The following BBS7 variants were observed in gnomAD, a reference collection of about 807,000 sequenced individuals.
The protein encoded by BBS7 is BBSome complex member BBS7.
A neutral mutation model predicts 90.3 loss-of-function variants in BBS7; 50 were observed. The ratio of observed to expected loss-of-function variants is 0.55; its 90% CI spans 0.44 to 0.70. The LOEUF (loss-of-function observed/expected upper bound fraction) is 0.70. Among genes scored for constraint, BBS7 ranks in the 30% least tolerant of loss-of-function variants. The pLI, the probability that BBS7 is intolerant of heterozygous loss-of-function variation, is 0.00. For missense variants in BBS7, 729 were observed against 838.9 expected, an observed-to-expected ratio of 0.87 and a Z score of 1.62; for synonymous variants, 235 against 287.4, an observed-to-expected ratio of 0.82 and a Z score of 1.85.
chr4:121,859,730 T>C (rs530890026), intron 4 of BBS7, among the ~76,000 whole-genome samples: 11 of 152,088 alleles, frequency 7.2e-5, no homozygotes, highest in Non-Finnish European at 1.6e-4. Context: ...AAAAGTCTAT[T>C]TTAAGTGATT....
At chr4:121,858,796 G>T in intron 5 of BBS7, 196 bp downstream of exon 5, 2 of 575,124 alleles carry the variant, frequency 3.5e-6, no homozygotes, top group Non-Finnish European at 5.9e-6. Context: ...TTCCAAATAT[G>T]CTTCTCTTAA....
chr4:121,827,183 A>C (rs1435859058), intron 18 of BBS7, among the ~76,000 whole-genome samples: 1 of 152,210 alleles, frequency 6.6e-6, no homozygotes, highest in African/African-American at 2.4e-5. Flanking sequence ...TATTATAAGG[A>C]TAAAAGAGAT....
At chr4:121,845,946 A>G (rs562447182) in intron 10 of BBS7, among the ~76,000 whole-genome samples, 5 of 152,212 alleles carry the variant, frequency 3.3e-5, no homozygotes, top group Non-Finnish European at 7.3e-5. Flanking sequence ...GAGAGTTTTA[A>G]ATATCATGGT....
intron 13 of BBS7, 101 bp from the exon 14 acceptor site, chr4:121,835,384 T>C (rs1292131900): frequency 2.2e-6 from 3 of 1,365,126 alleles, no homozygotes; most frequent in East Asian, 2.5e-5. Context: ...AATTCACTAA[T>C]ATGTGAAGAC....
rs561214269 is a variant in BBS7 at position 121,867,918 on chromosome 4, A to C, written c.102+63T>G. The C allele has an allele frequency of 1.2e-4, 159 of 1,341,506 alleles. 3 individuals carry two copies. In the East Asian group the frequency reaches 3.2e-3, roughly 27 times the overall value. 83.1% of individuals were successfully genotyped at this position (1,341,506 alleles called of 1,614,324 possible). A position where few individuals can be genotyped will look rare whatever the true frequency, so the allele number is the denominator to read the frequency against. On this transcript the variant is annotated intron_variant, in intron 2 of 18. Coordinates refer to ENST00000264499, the MANE Select transcript of BBS7 (RefSeq NM_176824.3). ...GAGAATAACTTAATAATAAAGAAGG[A>C]AATAGGAGCCTCTCCTCTGTCACTG... is the stretch of plus-strand genomic sequence containing the variant.
chr4:121,824,594 C>T lies in BBS7; in HGVS notation c.*1266G>A, dbSNP rs968962337. On this transcript the variant is annotated 3_prime_UTR_variant, in exon 19 of 19. Transcript: ENST00000264499. The surrounding 1 kb of genome is among the most constrained non-coding windows in gnomAD (Gnocchi z 4.1). ...CAGTGCATTACAAAATATTCAAATA[C>T]AGTCATTAATTTTTTTCTATTTTTC... 3.3e-5 allele frequency: 5 copies of T among 152,080 alleles called. No homozygotes were observed. Among genetic ancestry groups the T allele is most frequent in the African/African-American group, 9.7e-5 (4 of 41,434 alleles). The allele number at this position is 152,080 out of a possible 1,614,324, so 9.4% of individuals were successfully genotyped here.
rs773577691 is a variant in BBS7, at chr4:121,835,104, G to A, written c.1511+40C>T. On this transcript the variant is annotated intron_variant, in intron 14 of 18. Transcript: ENST00000264499. ...TAAAAAACAGGTCTATTTGAATTGT[G>A]TAATATCCTAAAAAGAATTTGCTCT... The A allele has an allele frequency of 2.5e-6, 4 of 1,606,114 alleles. No individual in the cohort carries two copies. In the Admixed American group the frequency reaches 6.7e-5, roughly 27 times the overall value.
intron 13 of BBS7, among the ~76,000 whole-genome samples, chr4:121,838,364 G>GA (rs35961896): frequency 0.38 from 41,909 of 109,596 alleles, 7,245 homozygotes; most frequent in East Asian, 0.49. Flanking sequence ...CATCTCTCTT[G>GA]AAAAAAAAAA....
At chr4:121,829,896 C>CA (rs1725098737) in intron 15 of BBS7, among the ~76,000 whole-genome samples, 1 of 152,140 alleles carries the variant, frequency 6.6e-6, no homozygotes, top group Non-Finnish European at 1.5e-5. Context: ...AGCCACTGAT[C>CA]CAGTTGTGCG....
chr4:121,859,387 C>T (rs1726855555), intron 4 of BBS7, among the ~76,000 whole-genome samples: 1 of 151,858 alleles, frequency 6.6e-6, no homozygotes, highest in Non-Finnish European at 1.5e-5. Flanking sequence ...ATGTTAAGGC[C>T]TCGGGCTTCT....
At chr4:121,851,569 G>C (rs1461379222) in intron 8 of BBS7, among the ~76,000 whole-genome samples, 1 of 151,950 alleles carries the variant, frequency 6.6e-6, no homozygotes, top group Non-Finnish European at 1.5e-5. Flanking sequence ...AGAAAACATG[G>C]AACTAAACTT....
At chr4:121,835,986 G>C (rs1725433631) in intron 13 of BBS7, among the ~76,000 whole-genome samples, 1 of 152,086 alleles carries the variant, frequency 6.6e-6, no homozygotes, top group Non-Finnish European at 1.5e-5. Context: ...AAAAAAGAGA[G>C]TATTTAGCAT....
chr4:121,826,964 C>A (rs1560636911), intron 18 of BBS7, among the ~76,000 whole-genome samples: 1 of 152,094 alleles, frequency 6.6e-6, no homozygotes, highest in Non-Finnish European at 1.5e-5. Context: ...GCCTGGGAGA[C>A]CAAGCGAGAC....
intron 5 of BBS7, among the ~76,000 whole-genome samples, chr4:121,857,265 T>C (rs145537553): frequency 0.043 from 6,589 of 151,748 alleles, 474 homozygotes; most frequent in African/African-American, 0.15. Flanking sequence ...CTGGGACTAC[T>C]GGCATGCACC....
chr4:121,854,556 C>G, intron 7 of BBS7, 148 bp downstream of exon 7: 1 of 733,932 alleles, frequency 1.4e-6, no homozygotes. Flanking sequence ...TATAATAGAC[C>G]TGACAAATAA....
At chr4:121,869,044 G>C (rs1431316941) in intron 1 of BBS7, among the ~76,000 whole-genome samples, 1 of 152,192 alleles carries the variant, frequency 6.6e-6, no homozygotes, top group Non-Finnish European at 1.5e-5. Flanking sequence ...GAGTTCAGGA[G>C]CCCAATTTGG....
Position 121,825,837 on chromosome 4 carries a change from TG to T in BBS7, c.*22del. ...TTTTCATTTAAACAGACCACTTCTT[TG>T]GGACTTTACCTTATTTGTATGTCAT... On this transcript the variant is annotated 3_prime_UTR_variant, in exon 19 of 19. Transcript: ENST00000264499. 2 of 1,611,234 alleles carry T rather than the reference TG, an allele frequency of 1.2e-6. No homozygotes were observed.
intron 5 of BBS7, among the ~76,000 whole-genome samples, chr4:121,857,177 G>A (rs1215287066): frequency 6.7e-6 from 1 of 148,370 alleles, no homozygotes; most frequent in African/African-American, 2.5e-5. Context: ...GGAGTGCAGT[G>A]CAGTGGTGTG....
chr4:121,858,646 A>T (rs1223270216), intron 5 of BBS7: 3 of 230,402 alleles, frequency 1.3e-5, no homozygotes, highest in Non-Finnish European at 2.6e-5. Flanking sequence ...TCTTCCTTTA[A>T]TTTGATTTTT....
Sources: allele counts gnomAD v4.1 joint callset (sites outside exome capture counted in the v4.1 genomes callset), GRCh38; gene constraint gnomAD v4.1.1; non-coding constraint Gnocchi (gnomAD v3.1); transcripts MANE v1.5; gene names NCBI Gene and HGNC (gene_info 2026-07-23, HGNC 2026-07-21).